Variants in LANCL2 observed in about 807,000 individuals in gnomAD.
LANCL2 encodes LanC like glutathione S-transferase 2.
LANCL2 carries 33 observed loss-of-function variants against 56.9 expected under a neutral mutation model. That is an observed-to-expected ratio of 0.58 (90% CI 0.44 to 0.78). LANCL2 has a LOEUF of 0.78. LANCL2 is among the 30% of genes least tolerant of loss of function. The probability of loss-of-function intolerance (pLI) is 0.00; values close to 1 mark genes in which losing one functional copy is unlikely to be tolerated. For missense variants in LANCL2, 562 were observed against 580.2 expected, an observed-to-expected ratio of 0.97 and a Z score of 0.32; for synonymous variants, 233 against 228.2, an observed-to-expected ratio of 1.02 and a Z score of -0.19.
intron 5 of LANCL2, among the ~76,000 whole-genome samples, chr7:55,408,018 A>G (rs1333941941): frequency 1.3e-5 from 2 of 152,258 alleles, no homozygotes; most frequent in African/African-American, 4.8e-5. Flanking sequence ...AGACCTGAAC[A>G]AGTAGAAATA....
chr7:55,376,933 C>G (rs1244628960), intron 1 of LANCL2, among the ~76,000 whole-genome samples: 1 of 152,086 alleles, frequency 6.6e-6, no homozygotes, highest in Non-Finnish European at 1.5e-5. Flanking sequence ...TTCTTTCTTC[C>G]TCACCTATTT....
Position 55,431,591 on chromosome 7 carries a change from A to G in LANCL2, c.*271A>G. On this transcript the variant is annotated 3_prime_UTR_variant, in exon 9 of 9. Coordinates refer to ENST00000254770, the MANE Select transcript of LANCL2 (RefSeq NM_018697.4). ...TGTCTCCAGGTGTAAGCTGTTTTAA[A>G]TGGAAGGCCCTTCTATTCCTGAGGG... 1 of 364,524 alleles carries G rather than the reference A, an allele frequency of 2.7e-6. No homozygotes were observed. The highest frequency in any genetic ancestry group is 5.0e-6 in the Non-Finnish European group (1 of 201,958). 22.6% of individuals were successfully genotyped at this position (364,524 alleles called of 1,614,324 possible). A position where few individuals can be genotyped will look rare whatever the true frequency, so the allele number is the denominator to read the frequency against.
At chr7:55,408,455 C>G (rs1790435564) in intron 5 of LANCL2, among the ~76,000 whole-genome samples, 1 of 152,020 alleles carries the variant, frequency 6.6e-6, no homozygotes, top group Non-Finnish European at 1.5e-5. Flanking sequence ...TCACTGAGGT[C>G]AGGAGTTTGA....
chr7:55,428,943 CA>C (rs1436343913), intron 8 of LANCL2, among the ~76,000 whole-genome samples: 2 of 152,130 alleles, frequency 1.3e-5, no homozygotes, highest in Non-Finnish European at 2.9e-5. Context: ...GTGAAAGCAA[CA>C]AGGATTCCAG....
rs143038468 is a variant in LANCL2 at position 55,415,859 on chromosome 7, C to A, written c.1008+3770C>A. ...TGAACTCCTGACCTTAGGTGATCTGCCTGCCTTGGCCTCCAAAACTGCTGG... is the reference window on the plus strand; with the variant it reads ...TGAACTCCTGACCTTAGGTGATCTGACTGCCTTGGCCTCCAAAACTGCTGG... On this transcript the variant is annotated intron_variant, in intron 6 of 8. Coordinates refer to ENST00000254770, the MANE Select transcript of LANCL2 (RefSeq NM_018697.4). Among the ~76,000 whole-genome samples the A allele has an allele frequency of 5.5e-3, 835 of 152,144 alleles. 5 individuals are homozygous for A. Among genetic ancestry groups the A allele is most frequent in the African/African-American group, 0.018 (732 of 41,502 alleles).
Position 55,400,061 on chromosome 7 carries a change from CAG to C in LANCL2, c.639_640del (p.Glu213AspfsTer8). ...CTGTATGCCTTACTGTACCTGAACA[CAG>C]AGATAGGTCCAGGCACCGTGTGTGA... On this transcript the variant is annotated frameshift_variant, in exon 4 of 9. Coordinates refer to ENST00000254770, the MANE Select transcript of LANCL2 (RefSeq NM_018697.4). LOFTEE classifies it high-confidence loss of function. 1 of 1,613,028 alleles carries C rather than the reference CAG, an allele frequency of 6.2e-7. No homozygotes were observed. The highest frequency in any genetic ancestry group is 8.5e-7 in the Non-Finnish European group (1 of 1,179,236).
chr7:55,393,627 A>G (rs1469453090), intron 2 of LANCL2, among the ~76,000 whole-genome samples: 1 of 152,168 alleles, frequency 6.6e-6, no homozygotes, highest in Non-Finnish European at 1.5e-5. Context: ...TGGGCCCTTG[A>G]TAATATTGTA....
At chr7:55,418,180 A>G (rs966592353) in intron 6 of LANCL2, among the ~76,000 whole-genome samples, 2 of 97,504 alleles carry the variant, frequency 2.1e-5, no homozygotes, top group African/African-American at 4.0e-5. Context: ...TAGAAATACA[A>G]TTGCGTTTTT....
chr7:55,394,811 TG>T (rs1562861870), intron 2 of LANCL2, among the ~76,000 whole-genome samples: 1 of 147,782 alleles, frequency 6.8e-6, no homozygotes, highest in Non-Finnish European at 1.5e-5. Context: ...GGAACTTCTG[TG>T]GGCACATCTG....
intron 8 of LANCL2, among the ~76,000 whole-genome samples, chr7:55,428,945 A>T (rs909678495): frequency 6.6e-6 from 1 of 152,234 alleles, no homozygotes; most frequent in African/African-American, 2.4e-5. Context: ...GAAAGCAACA[A>T]GGATTCCAGA....
At chr7:55,388,985 G>T (rs1316090272) in intron 1 of LANCL2, among the ~76,000 whole-genome samples, 1 of 152,190 alleles carries the variant, frequency 6.6e-6, no homozygotes, top group African/African-American at 2.4e-5. Context: ...GAGGGGGCTG[G>T]GGGCTTTAGA....
chr7:55,411,703 G>A (rs538983491), intron 5 of LANCL2, among the ~76,000 whole-genome samples: 1 of 152,288 alleles, frequency 6.6e-6, no homozygotes, highest in South Asian at 2.1e-4. Flanking sequence ...CACCAAAGAA[G>A]AGACAAAATA....
At chr7:55,377,433 C>A (rs1790015920) in intron 1 of LANCL2, among the ~76,000 whole-genome samples, 1 of 152,090 alleles carries the variant, frequency 6.6e-6, no homozygotes, top group Non-Finnish European at 1.5e-5. Context: ...ATCTGTTTAT[C>A]TTTTTCTTCT....
intron 6 of LANCL2, among the ~76,000 whole-genome samples, chr7:55,421,675 C>G (rs1214600801): frequency 6.6e-6 from 1 of 151,424 alleles, no homozygotes; most frequent in African/African-American, 2.4e-5. Flanking sequence ...TATCTATTTG[C>G]GTATTTTTTT....
intron 8 of LANCL2, among the ~76,000 whole-genome samples, chr7:55,429,751 A>G (rs1204699116): frequency 2.0e-5 from 3 of 152,264 alleles, no homozygotes; most frequent in South Asian, 2.1e-4. Flanking sequence ...TATCAACTTG[A>G]TAATAGCACC....
chr7:55,386,808 T>G lies in LANCL2; in HGVS notation c.205-4985T>G, dbSNP rs555225049. On this transcript the variant is annotated intron_variant, in intron 1 of 8. Coordinates refer to ENST00000254770, the MANE Select transcript of LANCL2 (RefSeq NM_018697.4). ...ATAGAGCTGGCCCTACTAGGATTGT[T>G]AGTTGGTTGAGAAGTTACGTGGGTT... Among the ~76,000 whole-genome samples the G allele has an allele frequency of 4.6e-5, 7 of 152,274 alleles. 1 individual carries two copies. The highest frequency in any genetic ancestry group is 4.6e-4 in the Admixed American group (7 of 15,294).
intron 1 of LANCL2, among the ~76,000 whole-genome samples, chr7:55,378,533 C>T (rs1037745874): frequency 1.0e-4 from 15 of 150,264 alleles, no homozygotes; most frequent in Admixed American, 4.7e-4. Flanking sequence ...TATATGTATA[C>T]GTGTGTGTGT....
chr7:55,412,574 T>C (rs1332940434), intron 6 of LANCL2, among the ~76,000 whole-genome samples: 4 of 152,250 alleles, frequency 2.6e-5, no homozygotes, highest in African/African-American at 7.2e-5. Context: ...TGGGGTACTA[T>C]AGGAAAATTG....
At position 55,412,059 on chromosome 7, in the gene LANCL2, G is replaced by T. The variant is rs771821006; in HGVS notation, c.978G>T (p.Gly326=). The T allele has an allele frequency of 2.5e-6, 4 of 1,614,142 alleles. No individual in the cohort carries two copies. Among genetic ancestry groups the T allele is most frequent in the Non-Finnish European group, 3.4e-6 (4 of 1,179,998 alleles). ...RLVHWCHGAP[G]VIHMLMQAYK... Reference sequence around the variant, plus strand: ...TGCACTGGTGCCACGGCGCCCCGGGGGTCATCCACATGCTCATGCAGGCGT... The same window carrying T: ...TGCACTGGTGCCACGGCGCCCCGGGTGTCATCCACATGCTCATGCAGGCGT... The change falls in exon 6 of 9, where the codon GGG becomes GGT. Residue 326 remains glycine, a synonymous_variant. Transcript: ENST00000254770.
Sources: allele counts gnomAD v4.1 joint callset (sites outside exome capture counted in the v4.1 genomes callset), GRCh38; gene constraint gnomAD v4.1.1; transcripts MANE v1.5; gene names NCBI Gene and HGNC (gene_info 2026-07-23, HGNC 2026-07-21).